The following RIPK1 variants were observed in gnomAD, a reference collection of about 807,000 sequenced individuals.
The protein encoded by RIPK1 is receptor-interacting serine/threonine-protein kinase 1.
Under a neutral mutation model 62.4 loss-of-function variants are expected in RIPK1, and 27 were observed. That is an observed-to-expected ratio of 0.43 (90% CI 0.32 to 0.60). The LOEUF is 0.60. Ranked by LOEUF, RIPK1 falls within the 20% of genes least tolerant of loss-of-function variation. The pLI is 0.07. For synonymous variants in RIPK1, 287 were observed against 303.2 expected, an observed-to-expected ratio of 0.95 and a Z score of 0.55; for missense variants, 735 against 831.0, an observed-to-expected ratio of 0.88 and a Z score of 1.42.
At chr6:3,110,762 T>C (rs1021137306) in intron 9 of RIPK1, 41 bp from the exon 10 acceptor site, 1 of 1,367,614 alleles carries the variant, frequency 7.3e-7, no homozygotes, top group African/African-American at 1.5e-5. Flanking sequence ...TCTCTTGCTT[T>C]TGATCTAGAA....
In RIPK1 at chr6:3,114,137, G is replaced by A. The variant is rs940109134; in HGVS notation, c.*798G>A. ...TCCCAGGCAGTTGTTGCAAGGAATT[G>A]GTACTAACCGTGACTACAACAAAAA... On this transcript the variant is annotated 3_prime_UTR_variant, in exon 11 of 11. Coordinates refer to ENST00000259808, the MANE Select transcript of RIPK1 (RefSeq NM_001354930.2). This position sits in a 1 kb window ranked among gnomAD's most constrained non-coding sequence, Gnocchi z 5.0. 8 of 152,300 alleles carry A rather than the reference G, an allele frequency of 5.3e-5. No individual in the cohort carries two copies. The highest frequency in any genetic ancestry group is 1.9e-4 in the African/African-American group (8 of 41,558). The allele number at this position is 152,300 out of a possible 1,614,324, so 9.4% of individuals were successfully genotyped here.
At chr6:3,104,133 C>A in intron 7 of RIPK1, 92 bp from the exon 8 acceptor site, 1 of 603,120 alleles carries the variant, frequency 1.7e-6, no homozygotes, top group Non-Finnish European at 3.0e-6. Context: ...GAAATTTCTA[C>A]CTTCTGAAAA....
rs12196798 is a variant in RIPK1, at chr6:3,081,959, G to A, written c.459+843G>A. The stretch of plus-strand genomic sequence containing the variant: ...GAAATTTTGTTTTATATTTGTATTC[G>A]ATTGTTTACTTCTGTCTGTATTTTA... On this transcript the variant is annotated intron_variant, in intron 4 of 10. Transcript: ENST00000259808. Among the ~76,000 whole-genome samples, 5 of 141,388 alleles carry A rather than the reference G, an allele frequency of 3.5e-5. No homozygotes were observed. In the South Asian group the frequency reaches 6.9e-4, roughly 20 times the overall value. 92.8% of individuals were successfully genotyped at this position (141,388 alleles called of 152,430 possible).
At chr6:3,095,275 A>C (rs144061407) in intron 7 of RIPK1, among the ~76,000 whole-genome samples, 2 of 152,234 alleles carry the variant, frequency 1.3e-5, no homozygotes, top group Non-Finnish European at 1.5e-5. Context: ...GAAACTTAGA[A>C]TATTCCTGTA....
chr6:3,068,485 A>G, upstream of RIPK1: 1 of 985,218 alleles, frequency 1.0e-6, no homozygotes, highest in Middle Eastern at 5.2e-4. Flanking sequence ...GGGAGGAGGC[A>G]GCGCGAACAG....
At chr6:3,076,394 A>G (rs934427268) in intron 1 of RIPK1, among the ~76,000 whole-genome samples, 6 of 152,136 alleles carry the variant, frequency 3.9e-5, no homozygotes, top group Admixed American at 6.5e-5. Context: ...TCTGCCAGGT[A>G]CAATGGCTCA....
chr6:3,067,578 T>C (rs891984688), upstream of RIPK1, among the ~76,000 whole-genome samples: 2 of 148,724 alleles, frequency 1.3e-5, no homozygotes, highest in Non-Finnish European at 3.0e-5. Flanking sequence ...TACATTTTCA[T>C]ATTGTTGCAT....
At chr6:3,065,323 G>T (rs1418644000), upstream of RIPK1, among the ~76,000 whole-genome samples, 1 of 151,034 alleles carries the variant, frequency 6.6e-6, no homozygotes, top group Non-Finnish European at 1.5e-5. Context: ...GTGCGGCTGT[G>T]GCGGGGGTGG....
chr6:3,084,204 A>G (rs1019433896), intron 5 of RIPK1, among the ~76,000 whole-genome samples: 1 of 152,080 alleles, frequency 6.6e-6, no homozygotes, highest in African/African-American at 2.4e-5. Flanking sequence ...TCCACCATTC[A>G]TGTGGCAGCC....
At chr6:3,103,406 T>C (rs536197519) in intron 7 of RIPK1, among the ~76,000 whole-genome samples, 1 of 151,646 alleles carries the variant, frequency 6.6e-6, no homozygotes, top group South Asian at 2.1e-4. Flanking sequence ...GTTCAAGAGA[T>C]AACTCCTGCC....
intron 10 of RIPK1, among the ~76,000 whole-genome samples, chr6:3,112,838 C>T (rs564838140): frequency 2.0e-5 from 3 of 152,298 alleles, no homozygotes; most frequent in East Asian, 1.9e-4. Context: ...CACGCCAGGC[C>T]GGGAATGCCC....
upstream of RIPK1, chr6:3,068,113 A>G (rs143307760): frequency 0.01 from 7,079 of 692,850 alleles, 45 homozygotes; most frequent in Non-Finnish European, 0.012. Flanking sequence ...ACTTTGCTCG[A>G]GACTTCACAA....
intron 7 of RIPK1, among the ~76,000 whole-genome samples, chr6:3,094,130 GTAACTGCAGAGTA>G: frequency 7.0e-6 from 1 of 142,926 alleles, no homozygotes; most frequent in South Asian, 2.1e-4. Flanking sequence ...GCCGCACCTA[GTAACTGCAGAGTA>G]CCTACCTGCC....
upstream of RIPK1, among the ~76,000 whole-genome samples, chr6:3,067,395 T>C (rs1307346766): frequency 2.0e-5 from 3 of 152,180 alleles, no homozygotes. Context: ...CAGATCCTCA[T>C]CAACATTTGT....
chr6:3,094,042 TGCAGCGC>T (rs1356253414), intron 7 of RIPK1, among the ~76,000 whole-genome samples: 1 of 93,084 alleles, frequency 1.1e-5, no homozygotes, highest in African/African-American at 4.6e-5. Context: ...ACCTAGTAAC[TGCAGCGC>T]GCCTACCTGC....
At chr6:3,087,039 C>T (rs9503390) in intron 6 of RIPK1, among the ~76,000 whole-genome samples, 3,350 of 152,286 alleles carry the variant, frequency 0.022, 127 homozygotes, top group African/African-American at 0.076. Context: ...TTATTGTTTC[C>T]TTTCTGTTTA....
At position 3,077,931 on chromosome 6, in the gene RIPK1, C is replaced by T. The variant is rs1359961763; in HGVS notation, c.317C>T (p.Ala106Val). ...GGCAACCTGATGCACGTGCTGAAAG[C>T]CGAGGTAGAGAGGGCCCCTCCGCAC... is the stretch of plus-strand genomic sequence containing the variant. ...EKGNLMHVLK[A>V]EMSTPLSVKG... is the part of the protein sequence containing the mutation. Residue 106 changes from alanine to valine, a missense_variant, in exon 3 of 11, where the codon GCC becomes GTC. Ala to Val is a moderately conservative substitution (Grantham distance 64, BLOSUM62 0). Transcript: ENST00000259808. 1.2e-6 allele frequency: 2 copies of T among 1,613,758 alleles called. No individual in the cohort carries two copies. Among genetic ancestry groups the T allele is most frequent in the Non-Finnish European group, 1.7e-6 (2 of 1,179,940 alleles).
chr6:3,065,527 A>G (rs150494144), upstream of RIPK1, among the ~76,000 whole-genome samples: 625 of 150,190 alleles, frequency 4.2e-3, 4 homozygotes, highest in African/African-American at 0.015. Flanking sequence ...CAGGCCTTGG[A>G]GATGGGTGTG....
chr6:3,080,669 C>T (rs1017079052), intron 3 of RIPK1, among the ~76,000 whole-genome samples: 1 of 152,130 alleles, frequency 6.6e-6, no homozygotes, highest in Non-Finnish European at 1.5e-5. Flanking sequence ...ATCCTAGGTT[C>T]TAAAGATACA....
Sources: gnomAD v4.1 joint callset for allele counts (sites outside exome capture counted in the v4.1 genomes callset) on GRCh38, gnomAD v4.1.1 for gene constraint, Gnocchi (gnomAD v3.1) non-coding constraint, MANE v1.5 for transcripts, NCBI Gene and HGNC (gene_info 2026-07-23, HGNC 2026-07-21) for gene names.